MAST4: variants seen among roughly 807,000 people sequenced by gnomAD.
MAST4 encodes microtubule associated serine/threonine kinase family member 4.
In MAST4, 89 loss-of-function variants were observed where a neutral mutation model predicts 162.7. The observed-to-expected ratio is 0.55, with a 90% CI of 0.46 to 0.65. The LOEUF is 0.65. Ranked by LOEUF, MAST4 falls within the 30% of genes least tolerant of loss-of-function variation. The probability of loss-of-function intolerance (pLI) is 0.00; values close to 1 mark genes in which losing one functional copy is unlikely to be tolerated. For synonymous variants in MAST4, 1,479 were observed against 1,361.1 expected (o/e 1.09, Z -1.91); for missense variants, 3,153 against 3,374.0 (o/e 0.93, Z 1.62).
intron 4 of MAST4, among the ~76,000 whole-genome samples, chr5:66,922,565 T>G (rs1277538116): frequency 6.6e-6 from 1 of 152,152 alleles, no homozygotes; most frequent in Non-Finnish European, 1.5e-5. Flanking sequence ...CTGCTAAAAA[T>G]GACAAAAATT....
rs58704256 is a variant in MAST4 at position 66,664,435 on chromosome 5, CAAA to C, written c.363+67432_363+67434del. ...GGGCAACAACAGTGAAACTCCATTT[CAAA>C]AAAAAAAAAAAAAAGAAAATAGAAA... On this transcript the variant is annotated intron_variant, in intron 1 of 28. Coordinates refer to ENST00000403625, the MANE Select transcript of MAST4 (RefSeq NM_001164664.2). Among the ~76,000 whole-genome samples, 565 of 93,904 alleles carry C rather than the reference CAAA, an allele frequency of 6.0e-3. 1 individual carries two copies. Among genetic ancestry groups the C allele is most frequent in the African/African-American group, 0.021 (482 of 22,800 alleles). 61.6% of individuals were successfully genotyped at this position (93,904 alleles called of 152,430 possible).
intron 4 of MAST4, among the ~76,000 whole-genome samples, chr5:66,965,064 T>C (rs1746531236): frequency 6.6e-6 from 1 of 152,094 alleles, no homozygotes; most frequent in Non-Finnish European, 1.5e-5. Context: ...GGGAAACAAA[T>C]TAATGACTTG....
chr5:67,028,158 C>T (rs940677563), intron 4 of MAST4, among the ~76,000 whole-genome samples: 1 of 104,530 alleles, frequency 9.6e-6, no homozygotes, highest in African/African-American at 3.3e-5. Flanking sequence ...ACTTTGAGGG[C>T]ATCCAGGAGA....
chr5:66,818,698 G>T (rs1296155980), intron 3 of MAST4, among the ~76,000 whole-genome samples: 1 of 152,168 alleles, frequency 6.6e-6, no homozygotes, highest in Non-Finnish European at 1.5e-5. Context: ...GCAGGGCAGC[G>T]CTTGCCCTTG....
chr5:67,149,792 C>A (rs1284180901), intron 24 of MAST4, among the ~76,000 whole-genome samples: 1 of 152,180 alleles, frequency 6.6e-6, no homozygotes, highest in Admixed American at 6.5e-5. Flanking sequence ...GCATTTTGGC[C>A]TATTTCATCT....
chr5:66,766,987 C>T (rs556138120), intron 2 of MAST4, among the ~76,000 whole-genome samples: 1 of 152,268 alleles, frequency 6.6e-6, no homozygotes, highest in South Asian at 2.1e-4. Context: ...ACCCACATTC[C>T]ATCTTCTGGT....
At chr5:66,701,918 A>T (rs139607873) in intron 1 of MAST4, among the ~76,000 whole-genome samples, 1 of 152,318 alleles carries the variant, frequency 6.6e-6, no homozygotes, top group Non-Finnish European at 1.5e-5. Context: ...ACTTTAGAAA[A>T]TTAAATTCAT....
At chr5:67,093,657 G>A in intron 6 of MAST4, 1 of 461,840 alleles carries the variant, frequency 2.2e-6, no homozygotes, top group Non-Finnish European at 4.4e-6. Context: ...TTATGCTTCA[G>A]AACTAATAAG....
At chr5:66,957,340 A>C (rs773220042) in intron 4 of MAST4, among the ~76,000 whole-genome samples, 1 of 151,672 alleles carries the variant, frequency 6.6e-6, no homozygotes, top group Non-Finnish European at 1.5e-5. Context: ...GTGTTCCATT[A>C]TATCTTGTTT....
chr5:66,664,208 G>C (rs893935791), intron 1 of MAST4, among the ~76,000 whole-genome samples: 2 of 152,044 alleles, frequency 1.3e-5, no homozygotes, highest in Non-Finnish European at 2.9e-5. Context: ...GGCCAAGACA[G>C]GTGAATCACC....
At position 66,675,035 on chromosome 5, in the gene MAST4, A is replaced by G. The variant is rs367888600; in HGVS notation, c.363+78017A>G. Among the ~76,000 whole-genome samples the G allele has an allele frequency of 4.0e-4, 61 of 152,310 alleles. 1 individual carries two copies. Among genetic ancestry groups the G allele is most frequent in the African/African-American group, 1.3e-3 (55 of 41,578 alleles). On this transcript the variant is annotated intron_variant, in intron 1 of 28. Coordinates refer to ENST00000403625, the MANE Select transcript of MAST4 (RefSeq NM_001164664.2). ...AAGGCTGCCACAGTGCCCCTGCTAT[A>G]GGACAGTCACTGCTGCTTGCTGGAC...
intron 5 of MAST4, among the ~76,000 whole-genome samples, chr5:67,079,232 A>G (rs555069263): frequency 2.6e-4 from 40 of 152,076 alleles, no homozygotes; most frequent in African/African-American, 9.2e-4. Flanking sequence ...TTCATAAAAT[A>G]CTAAGTAAAT....
intron 3 of MAST4, among the ~76,000 whole-genome samples, chr5:66,844,168 T>TGTGC (rs1758637722): frequency 6.7e-6 from 1 of 148,928 alleles, no homozygotes; most frequent in African/African-American, 2.5e-5. Context: ...TGTGTGTGTG[T>TGTGC]GTGTGTGTGT....
intron 4 of MAST4, among the ~76,000 whole-genome samples, chr5:66,993,646 G>A (rs1377971344): frequency 6.6e-6 from 1 of 152,202 alleles, no homozygotes; most frequent in African/African-American, 2.4e-5. Flanking sequence ...GGAACAGGAT[G>A]TGCAAAGGCA....
At chr5:67,151,879 C>T (rs757488230) in intron 24 of MAST4, among the ~76,000 whole-genome samples, 20 of 150,874 alleles carry the variant, frequency 1.3e-4, no homozygotes, top group Non-Finnish European at 2.4e-4. Flanking sequence ...GTGATCCTCT[C>T]ACCTCAGTCT....
chr5:66,639,104 C>G lies in MAST4; in HGVS notation c.363+42086C>G, dbSNP rs78395908. 5.3e-3 allele frequency among the ~76,000 whole-genome samples: 805 copies of G among 152,056 alleles called. 22 individuals are homozygous for G. Among genetic ancestry groups the G allele is most frequent in the East Asian group, 0.037 (190 of 5,170 alleles). On this transcript the variant is annotated intron_variant, in intron 1 of 28. Transcript: ENST00000403625. ...ATAGAGAGAAGAGAATGGGTCTTGG[C>G]TTAATCCTGAGGAGCTCTAATTGGT...
At chr5:66,988,847 A>G (rs1333632603) in intron 4 of MAST4, among the ~76,000 whole-genome samples, 1 of 152,202 alleles carries the variant, frequency 6.6e-6, no homozygotes, top group Non-Finnish European at 1.5e-5. Flanking sequence ...TTATACCATA[A>G]TTTACCCAGG....
chr5:67,149,591 TAG>T lies in MAST4; in HGVS notation c.3295+8_3295+9del. On this transcript the variant is annotated splice_donor_region_variant and intron_variant, in intron 24 of 28. Transcript: ENST00000403625. ...CTCTTTCCCTCATGATCCCAGGAGG[TAG>T]AGAGATACTACTTGCATGAAATTGT... 6.2e-7 allele frequency: 1 copy of T among 1,612,710 alleles called. No individual in the cohort carries two copies. Among genetic ancestry groups the T allele is most frequent in the Non-Finnish European group, 8.5e-7 (1 of 1,179,232 alleles).
intron 1 of MAST4, among the ~76,000 whole-genome samples, chr5:66,748,538 G>C (rs1191613692): frequency 6.7e-6 from 1 of 150,038 alleles, no homozygotes; most frequent in African/African-American, 2.5e-5. Context: ...CGCCAGGCTG[G>C]AGTGCAGTGG....
Sources: allele counts gnomAD v4.1 joint callset (sites outside exome capture counted in the v4.1 genomes callset), GRCh38; gene constraint gnomAD v4.1.1; transcripts MANE v1.5; gene names NCBI Gene and HGNC (gene_info 2026-07-23, HGNC 2026-07-21).